The following MAP1LC3B2 variants were observed in gnomAD, a reference collection of about 807,000 sequenced individuals.
The protein encoded by MAP1LC3B2 is microtubule associated protein 1 light chain 3 beta 2.
For missense variants in MAP1LC3B2, 155 were observed against 154.6 expected, an observed-to-expected ratio of 1.00 and a Z score of -0.01; for synonymous variants, 62 against 57.8, an observed-to-expected ratio of 1.07 and a Z score of -0.33.
chr12:116,569,569 T>A (rs1191676680), intron 1 of MAP1LC3B2, among the ~76,000 whole-genome samples: 1 of 152,200 alleles, frequency 6.6e-6, no homozygotes, highest in Non-Finnish European at 1.5e-5. Flanking sequence ...AGCTACCTTG[T>A]ATGTAACTAT....
intron 1 of MAP1LC3B2, among the ~76,000 whole-genome samples, chr12:116,561,976 C>T (rs544176849): frequency 6.6e-6 from 1 of 152,244 alleles, no homozygotes; most frequent in South Asian, 2.1e-4. Flanking sequence ...GACCATCTCT[C>T]TTCCACCCCC....
rs575772255 is a variant in MAP1LC3B2 at position 116,576,504 on chromosome 12, C to T, written c.*184C>T. The T allele has an allele frequency of 9.3e-4, 638 of 682,752 alleles. 1 individual carries two copies. The highest frequency in any genetic ancestry group is 9.0e-4 in the Non-Finnish European group (368 of 409,338). The allele number at this position is 682,752 out of a possible 1,614,324, so 42.3% of individuals were successfully genotyped here. ...GCAGAAAAACTGAGCTCCAAGTGAG[C>T]ACATTCAGCTTTGGAAACTATATTA... On this transcript the variant is annotated 3_prime_UTR_variant, in exon 2 of 2. Transcript: ENST00000556529.
rs375620122 is a variant in MAP1LC3B2, at chr12:116,569,299, C to G, written c.-101-6543C>G. Among the ~76,000 whole-genome samples, 3 of 152,042 alleles carry G rather than the reference C, an allele frequency of 2.0e-5. No homozygotes were observed. The East Asian group carries it at 5.8e-4, about 29-fold the overall frequency. ...GTCCAGAGATTGATGCTGAAGAGACCTAAACAGTGGGGAGCTAAAATAGCT... is the reference window on the plus strand; with the variant it reads ...GTCCAGAGATTGATGCTGAAGAGACGTAAACAGTGGGGAGCTAAAATAGCT... On this transcript the variant is annotated intron_variant, in intron 1 of 1. Transcript: ENST00000556529.
intron 1 of MAP1LC3B2, among the ~76,000 whole-genome samples, chr12:116,574,406 C>A (rs1017809111): frequency 2.0e-5 from 3 of 151,932 alleles, no homozygotes; most frequent in African/African-American, 7.2e-5. Flanking sequence ...ATAAGGAGGC[C>A]GAGGTGGGCA....
At chr12:116,570,614 C>G (rs920153393) in intron 1 of MAP1LC3B2, among the ~76,000 whole-genome samples, 7 of 152,098 alleles carry the variant, frequency 4.6e-5, no homozygotes, top group Non-Finnish European at 1.0e-4. Flanking sequence ...AAGGGGTTCC[C>G]CCTTTCACTT....
chr12:116,567,744 T>C (rs1272540058), intron 1 of MAP1LC3B2, among the ~76,000 whole-genome samples: 1 of 151,444 alleles, frequency 6.6e-6, no homozygotes, highest in East Asian at 1.9e-4. Flanking sequence ...TGAGACTCTG[T>C]CTAAAAAATA....
chr12:116,560,147 TC>T (rs1869214325), intron 1 of MAP1LC3B2: 1 of 139,122 alleles, frequency 7.2e-6, no homozygotes, highest in Non-Finnish European at 1.5e-5. Flanking sequence ...CTCTCTCCAC[TC>T]CCAGGCCCAG....
In MAP1LC3B2 at chr12:116,566,930, C is replaced by CAAAAAAAAAAAAAA. The variant is rs56405000; in HGVS notation, c.-102+7525_-102+7538dup. Among the ~76,000 whole-genome samples the CAAAAAAAAAAAAAA allele has an allele frequency of 6.4e-4, 17 of 26,762 alleles. 4 individuals are homozygous for CAAAAAAAAAAAAAA. Among genetic ancestry groups the CAAAAAAAAAAAAAA allele is most frequent in the Non-Finnish European group, 9.3e-4 (12 of 12,962 alleles). The allele number at this position is 26,762 out of a possible 152,430, so 17.6% of individuals were successfully genotyped here. On this transcript the variant is annotated intron_variant, in intron 1 of 1. Coordinates refer to ENST00000556529, the MANE Select transcript of MAP1LC3B2 (RefSeq NM_001085481.3). ...TGGGCCACAGAGTGAGACTCTGTCTCAAAAAAAAAAAAAAAAAAAAAAAAA... is the reference window on the plus strand; with the variant it reads ...TGGGCCACAGAGTGAGACTCTGTCTCAAAAAAAAAAAAAAAAAAAAAAAAAAAAAAAAAAAAAAA...
intron 1 of MAP1LC3B2, among the ~76,000 whole-genome samples, chr12:116,563,958 T>C (rs1331104513): frequency 1.3e-5 from 2 of 152,130 alleles, no homozygotes; most frequent in Admixed American, 6.6e-5. Flanking sequence ...TTGCCCAGGC[T>C]GGCCCCAAAC....
At chr12:116,572,367 T>C (rs1869558224) in intron 1 of MAP1LC3B2, among the ~76,000 whole-genome samples, 1 of 70,750 alleles carries the variant, frequency 1.4e-5, no homozygotes, top group South Asian at 3.7e-4. Flanking sequence ...CATGCCTCAG[T>C]TCTTTTTTTT....
chr12:116,569,327 G>A (rs149486204), intron 1 of MAP1LC3B2, among the ~76,000 whole-genome samples: 162 of 152,200 alleles, frequency 1.1e-3, no homozygotes, highest in African/African-American at 3.6e-3. Flanking sequence ...AAATAGCTGG[G>A]GGTCCTCAGG....
rs56405000 is a variant in MAP1LC3B2 at position 116,566,930 on chromosome 12, C to CAAAAAAAAAAAAAAAA, written c.-102+7523_-102+7538dup. On this transcript the variant is annotated intron_variant, in intron 1 of 1. Coordinates refer to ENST00000556529, the MANE Select transcript of MAP1LC3B2 (RefSeq NM_001085481.3). The stretch of plus-strand genomic sequence containing the variant: ...TGGGCCACAGAGTGAGACTCTGTCT[C>CAAAAAAAAAAAAAAAA]AAAAAAAAAAAAAAAAAAAAAAAAA... 2.6e-4 allele frequency among the ~76,000 whole-genome samples: 7 copies of CAAAAAAAAAAAAAAAA among 26,764 alleles called. 2 individuals carry two copies. Among genetic ancestry groups the CAAAAAAAAAAAAAAAA allele is most frequent in the Admixed American group, 5.4e-4 (1 of 1,838 alleles). 17.6% of individuals were successfully genotyped at this position (26,764 alleles called of 152,430 possible).
intron 1 of MAP1LC3B2, among the ~76,000 whole-genome samples, chr12:116,564,653 A>G (rs968809620): frequency 6.6e-6 from 1 of 152,166 alleles, no homozygotes; most frequent in African/African-American, 2.4e-5. Flanking sequence ...TTTACCCAAT[A>G]TCTGAGCAAC....
chr12:116,569,009 A>G (rs2047955), intron 1 of MAP1LC3B2, among the ~76,000 whole-genome samples: 115,795 of 150,880 alleles, frequency 0.77, 45,053 homozygotes, highest in African/African-American at 0.89. Flanking sequence ...ACAGGCACCC[A>G]CCACCACGCC....
chr12:116,567,084 G>A (rs1425271547), intron 1 of MAP1LC3B2, among the ~76,000 whole-genome samples: 2 of 151,732 alleles, frequency 1.3e-5, no homozygotes, highest in Non-Finnish European at 2.9e-5. Context: ...GGACAAAGGA[G>A]GTAAGGAAAG....
At chr12:116,573,808 GAT>G (rs1211148177) in intron 1 of MAP1LC3B2, among the ~76,000 whole-genome samples, 1 of 152,176 alleles carries the variant, frequency 6.6e-6, no homozygotes, top group East Asian at 1.9e-4. Context: ...GCGCCCAGCT[GAT>G]ATCCTTAATT....
chr12:116,560,551 T>G (rs1869246022), intron 1 of MAP1LC3B2, among the ~76,000 whole-genome samples: 1 of 152,010 alleles, frequency 6.6e-6, no homozygotes, highest in Non-Finnish European at 1.5e-5. Flanking sequence ...CTGGCCTACT[T>G]TTACACTGTA....
intron 1 of MAP1LC3B2, chr12:116,559,865 C>A (rs1273929500): frequency 6.6e-6 from 1 of 152,088 alleles, no homozygotes; most frequent in Non-Finnish European, 1.5e-5. Context: ...GAAACAGCTT[C>A]TTTATTTCTA....
At chr12:116,568,990 C>G (rs1293078705) in intron 1 of MAP1LC3B2, among the ~76,000 whole-genome samples, 3 of 151,388 alleles carry the variant, frequency 2.0e-5, no homozygotes, top group Non-Finnish European at 4.4e-5. Flanking sequence ...CTCCTGCGTA[C>G]CTGGGATTAC....
Sources: allele counts gnomAD v4.1 joint callset (sites outside exome capture counted in the v4.1 genomes callset), GRCh38; gene constraint gnomAD v4.1.1; transcripts MANE v1.5; gene names NCBI Gene and HGNC (gene_info 2026-07-23, HGNC 2026-07-21).